Variants in CNOT1 observed in about 807,000 individuals in gnomAD.
CNOT1 encodes the protein CCR4-NOT transcription complex subunit 1.
In CNOT1, 15 loss-of-function variants were observed where a neutral mutation model predicts 273.8. The observed-to-expected ratio is 0.05, with a 90% CI of 0.04 to 0.08. CNOT1 has a LOEUF of 0.08. Among genes scored for constraint, CNOT1 ranks in the 10% least tolerant of loss-of-function variants. The probability of loss-of-function intolerance (pLI) is 1.00; values close to 1 mark genes in which losing one functional copy is unlikely to be tolerated. For synonymous variants in CNOT1, 1,022 were observed against 1,005.5 expected (o/e 1.02, Z -0.31); for missense variants, 1,644 against 2,912.2 (o/e 0.56, Z 10.02).
intron 16 of CNOT1, among the ~76,000 whole-genome samples, chr16:58,570,517 T>C (rs1174939709): frequency 6.6e-6 from 1 of 152,200 alleles, no homozygotes; most frequent in African/African-American, 2.4e-5. Flanking sequence ...CACATGTTTG[T>C]GGTCCCAGCT....
In CNOT1 at chr16:58,560,223, A is replaced by T; in HGVS notation, c.2119T>A (p.Ser707Thr). The T allele has an allele frequency of 6.2e-7, 1 of 1,613,936 alleles. No individual in the cohort carries two copies. The highest frequency in any genetic ancestry group is 8.5e-7 in the Non-Finnish European group (1 of 1,179,920). The change falls in exon 17 of 49, where the codon TCT becomes ACT. Residue 707 changes from serine to threonine, a missense_variant. Physicochemically the swap from Ser to Thr is moderately conservative, Grantham distance 58 (BLOSUM62 1). Around this residue, in one of 13 missense-constraint regions of CNOT1, gnomAD observed 706 missense variants for 1,021.2 expected, o/e 0.69. Transcript: ENST00000317147. ...TAGCACTCATTTACCTGAACAGGAGAAATGGCATCTAAGCTGCTAGCACTA... is the reference window on the plus strand; with the variant it reads ...TAGCACTCATTTACCTGAACAGGAGTAATGGCATCTAAGCTGCTAGCACTA... ...PPSASSLDAI[S>T]PVQIDPLAGM...
intron 25 of CNOT1, 62 bp downstream of exon 25, chr16:58,549,657 T>C: frequency 6.5e-7 from 1 of 1,534,808 alleles, no homozygotes; most frequent in South Asian, 1.3e-5. Context: ...ATCCTACCTA[T>C]ATAATCAAAT....
intron 1 of CNOT1, among the ~76,000 whole-genome samples, chr16:58,606,894 A>C (rs1490320672): frequency 6.7e-6 from 1 of 150,056 alleles, no homozygotes; most frequent in Non-Finnish European, 1.5e-5. Flanking sequence ...TAGTTTTGCC[A>C]TACATAAACC....
intron 16 of CNOT1, among the ~76,000 whole-genome samples, chr16:58,572,617 T>TA (rs2041314058): frequency 6.7e-6 from 1 of 148,152 alleles, no homozygotes; most frequent in South Asian, 2.1e-4. Context: ...ACACAAAAAT[T>TA]AAGTTAACGC....
At chr16:58,557,144 C>A in intron 18 of CNOT1, 151 bp from the exon 19 acceptor site, 1 of 1,130,316 alleles carries the variant, frequency 8.8e-7, no homozygotes, top group Non-Finnish European at 1.2e-6. Flanking sequence ...TCCCTTATTA[C>A]ATCTATTCAA....
At chr16:58,557,556 A>G (rs934370180) in intron 18 of CNOT1, among the ~76,000 whole-genome samples, 1 of 152,238 alleles carries the variant, frequency 6.6e-6, no homozygotes, top group Non-Finnish European at 1.5e-5. Context: ...CTTAGGTTTT[A>G]GTGCCCAAAC....
intron 29 of CNOT1, among the ~76,000 whole-genome samples, 185 bp downstream of exon 29, chr16:58,546,136 C>G (rs1162602123): frequency 1.3e-5 from 2 of 152,088 alleles, no homozygotes; most frequent in African/African-American, 2.4e-5. Context: ...AGGATGGAAT[C>G]TAAGATGGTA....
At chr16:58,621,640 C>T (rs142782918) in intron 1 of CNOT1, among the ~76,000 whole-genome samples, 1,937 of 149,548 alleles carry the variant, frequency 0.013, 45 homozygotes, top group African/African-American at 0.046. Flanking sequence ...CCACCATGGC[C>T]GGGCATGGTG....
At chr16:58,548,653 C>G (rs958675474) in intron 25 of CNOT1, 1 of 515,798 alleles carries the variant, frequency 1.9e-6, no homozygotes, top group Non-Finnish European at 3.9e-6. Flanking sequence ...GCCAATGACC[C>G]AAGTTATTGA....
Position 58,531,952 on chromosome 16 carries a change from C to A in CNOT1, c.6177+6G>T. ...TTCATCTACAGGAGATAAACTGCAG[C>A]CACACCTTCTGCTGTGGCGTATGTG... On this transcript the variant is annotated splice_donor_region_variant and intron_variant, in intron 42 of 48. Coordinates refer to ENST00000317147, the MANE Select transcript of CNOT1 (RefSeq NM_016284.5). 6.2e-7 allele frequency: 1 copy of A among 1,613,944 alleles called. No individual in the cohort carries two copies.
At chr16:58,540,098 T>C in intron 34 of CNOT1, 139 bp from the exon 35 acceptor site, 1 of 801,756 alleles carries the variant, frequency 1.2e-6, no homozygotes, top group Non-Finnish European at 1.9e-6. Flanking sequence ...GGGCCTCTTC[T>C]TTTCCTTCTT....
chr16:58,593,965 CCAGGCA>C (rs2042155600), intron 2 of CNOT1, among the ~76,000 whole-genome samples: 2 of 152,174 alleles, frequency 1.3e-5, no homozygotes, highest in Non-Finnish European at 1.5e-5. Context: ...AAAGGCAAGG[CCAGGCA>C]TGGTGGCTCA....
At chr16:58,586,228 TAA>T (rs1278679985) in intron 7 of CNOT1, among the ~76,000 whole-genome samples, 1 of 55,826 alleles carries the variant, frequency 1.8e-5, no homozygotes, top group African/African-American at 7.9e-5. Flanking sequence ...GTCTCTTTTT[TAA>T]AAAGAGAAAG....
intron 10 of CNOT1, 64 bp downstream of exon 10, chr16:58,582,729 T>G (rs1245645726): frequency 2.1e-6 from 2 of 943,130 alleles, no homozygotes; most frequent in South Asian, 1.4e-5. Context: ...TCTTAAAAAT[T>G]TGCTTTCTTT....
At chr16:58,565,295 T>C (rs2041002594) in intron 16 of CNOT1, among the ~76,000 whole-genome samples, 1 of 152,038 alleles carries the variant, frequency 6.6e-6, no homozygotes, top group South Asian at 2.1e-4. Context: ...AATGTTTTTT[T>C]TCAGAGACGG....
chr16:58,524,565 A>G (rs2039521213), intron 46 of CNOT1, among the ~76,000 whole-genome samples: 1 of 152,108 alleles, frequency 6.6e-6, no homozygotes, highest in African/African-American at 2.4e-5. Flanking sequence ...TGCAACATCA[A>G]TTCATCTCTC....
At chr16:58,540,366 AGAGT>A (rs1259478636) in intron 34 of CNOT1, among the ~76,000 whole-genome samples, 1 of 152,268 alleles carries the variant, frequency 6.6e-6, no homozygotes, top group East Asian at 1.9e-4. Flanking sequence ...CTGATAGGAT[AGAGT>A]AAGAATACAG....
intron 1 of CNOT1, among the ~76,000 whole-genome samples, chr16:58,607,097 C>T (rs868437313): frequency 6.6e-6 from 1 of 152,156 alleles, no homozygotes; most frequent in Admixed American, 6.5e-5. Context: ...AAGTGAAAAG[C>T]TGCAGAACTC....
intron 16 of CNOT1, among the ~76,000 whole-genome samples, chr16:58,570,758 C>T (rs934714270): frequency 7.2e-5 from 11 of 151,802 alleles, no homozygotes; most frequent in Non-Finnish European, 8.8e-5. Flanking sequence ...TGGATCCTAC[C>T]GAAACTAAAA....
Sources: gnomAD v4.1 joint callset for allele counts (sites outside exome capture counted in the v4.1 genomes callset) on GRCh38, gnomAD v4.1.1 for gene constraint, gnomAD v4.1.1 regional missense constraint, MANE v1.5 for transcripts, NCBI Gene and HGNC (gene_info 2026-07-23, HGNC 2026-07-21) for gene names.